Variants in CLIP2 observed in about 807,000 individuals in gnomAD.
The protein encoded by CLIP2 is CAP-Gly domain containing linker protein 2.
CLIP2 carries 41 observed loss-of-function variants against 111.7 expected under a neutral mutation model. That is an observed-to-expected ratio of 0.37 (90% CI 0.29 to 0.48). The LOEUF is 0.48. Among genes scored for constraint, CLIP2 ranks in the 20% least tolerant of loss-of-function variants. The pLI is 0.99. For missense variants in CLIP2, 1,160 were observed against 1,422.1 expected, an observed-to-expected ratio of 0.82 and a Z score of 2.96; for synonymous variants, 660 against 644.2, an observed-to-expected ratio of 1.02 and a Z score of -0.37.
At chr7:74,336,516 C>T (rs927683626) in intron 2 of CLIP2, among the ~76,000 whole-genome samples, 2 of 151,906 alleles carry the variant, frequency 1.3e-5, no homozygotes, top group Non-Finnish European at 2.9e-5. Context: ...GAAGGGGAAA[C>T]CTCTTATAAA....
Position 74,376,807 on chromosome 7 carries a change from C to T in CLIP2, c.2406C>T (p.Ser802=), listed in dbSNP as rs1790806840. 1.9e-6 allele frequency: 3 copies of T among 1,597,006 alleles called. No individual in the cohort carries two copies. The highest frequency in any genetic ancestry group is 3.3e-4 in the Middle Eastern group (2 of 5,992). ...TCCAGGCGGTCGAGGCCCTGTGCTC[C>T]TCCCAGCACACCCACGTAGGCGCCT... ...NRLQAVEALC[S]SQHTHMIESN... is the part of the protein sequence containing the mutation. The change falls in exon 10 of 17, where the codon TCC becomes TCT. Residue 802 remains serine, a synonymous_variant. Coordinates refer to ENST00000223398, the MANE Select transcript of CLIP2 (RefSeq NM_003388.5). This position sits in a 1 kb window ranked among gnomAD's most constrained non-coding sequence, Gnocchi z 7.1.
intron 2 of CLIP2, among the ~76,000 whole-genome samples, chr7:74,331,812 T>C (rs915946221): frequency 3.9e-5 from 6 of 151,918 alleles, no homozygotes; most frequent in Non-Finnish European, 7.4e-5. Context: ...TGAACTCAGG[T>C]AATCCACCCG....
At chr7:74,350,879 A>G (rs1789966160) in intron 3 of CLIP2, among the ~76,000 whole-genome samples, 1 of 147,646 alleles carries the variant, frequency 6.8e-6, no homozygotes, top group South Asian at 2.2e-4. Flanking sequence ...AAAGAAAGAG[A>G]GAGAGAGAAA....
intron 13 of CLIP2, among the ~76,000 whole-genome samples, chr7:74,392,383 A>G (rs1791317099): frequency 6.6e-6 from 1 of 151,450 alleles, no homozygotes; most frequent in Non-Finnish European, 1.5e-5. Context: ...AAGAAAAGAA[A>G]ATAGCTGGGC....
At chr7:74,318,781 C>T (rs552728833) in intron 2 of CLIP2, among the ~76,000 whole-genome samples, 2 of 152,284 alleles carry the variant, frequency 1.3e-5, no homozygotes, top group Non-Finnish European at 2.9e-5. Flanking sequence ...CATCTTTGTG[C>T]ACAAAGCCTG....
rs1401118868 is a variant in CLIP2, at chr7:74,346,730, A to C, written c.679-7150A>C. Among the ~76,000 whole-genome samples the C allele has an allele frequency of 3.6e-4, 35 of 96,668 alleles. No individual in the cohort carries two copies. The East Asian group carries it at 5.2e-3, about 14-fold the overall frequency. 63.4% of individuals were successfully genotyped at this position (96,668 alleles called of 152,430 possible). ...AGAGTAAGATTCTCAAAAAAAAAAA[A>C]AAAAAAAAAAAACAAAACACTGGCC... is the stretch of plus-strand genomic sequence containing the variant. On this transcript the variant is annotated intron_variant, in intron 3 of 16. Coordinates refer to ENST00000223398, the MANE Select transcript of CLIP2 (RefSeq NM_003388.5).
At chr7:74,356,289 A>T (rs534213830) in intron 4 of CLIP2, 121 bp from the exon 5 acceptor site, 1 of 807,214 alleles carries the variant, frequency 1.2e-6, no homozygotes, top group Non-Finnish European at 2.1e-6. Flanking sequence ...GTCTTTCCAC[A>T]TGGGCCCCAA....
chr7:74,355,474 G>A (rs782701391), intron 4 of CLIP2, among the ~76,000 whole-genome samples: 2 of 152,324 alleles, frequency 1.3e-5, no homozygotes, highest in East Asian at 1.9e-4. Flanking sequence ...GCTGGGCGTA[G>A]TAGCACACAC....
chr7:74,399,541 TTG>T (rs1491410572), intron 14 of CLIP2, among the ~76,000 whole-genome samples: 1 of 10,058 alleles, frequency 9.9e-5, no homozygotes, highest in African/African-American at 4.4e-4. Context: ...CAGTCTTTTT[TTG>T]GGGGGGGGGG....
intron 1 of CLIP2, among the ~76,000 whole-genome samples, chr7:74,308,661 C>T (rs1435626082): frequency 2.4e-4 from 36 of 151,954 alleles, no homozygotes; most frequent in Admixed American, 2.4e-3. Flanking sequence ...TGTGCCACCA[C>T]GCCCAGCTAA....
At chr7:74,350,041 C>T (rs1789938398) in intron 3 of CLIP2, among the ~76,000 whole-genome samples, 1 of 151,720 alleles carries the variant, frequency 6.6e-6, no homozygotes, top group South Asian at 2.1e-4. Context: ...GGGTATGGGG[C>T]TTCTCTTTGG....
intron 8 of CLIP2, among the ~76,000 whole-genome samples, chr7:74,372,401 T>TGGGGGGGGGGG (rs797027650): frequency 7.5e-5 from 1 of 13,418 alleles, no homozygotes; most frequent in Non-Finnish European, 1.4e-4. Flanking sequence ...AGCACAGGCC[T>TGGGGGGGGGGG]TGGGGGGGGG....
At chr7:74,401,708 G>A in intron 16 of CLIP2, 141 bp downstream of exon 16, 2 of 826,328 alleles carry the variant, frequency 2.4e-6, no homozygotes, top group Non-Finnish European at 4.0e-6. Flanking sequence ...GGAGGGTGCT[G>A]TTGCAGGCAA....
intron 2 of CLIP2, among the ~76,000 whole-genome samples, chr7:74,336,477 G>A (rs1016581293): frequency 2.6e-5 from 4 of 151,928 alleles, no homozygotes; most frequent in Admixed American, 6.6e-5. Flanking sequence ...CTTACATGGC[G>A]GCAGACAAGA....
chr7:74,399,320 T>C (rs1032682523), intron 14 of CLIP2, among the ~76,000 whole-genome samples: 5 of 151,988 alleles, frequency 3.3e-5, no homozygotes, highest in Non-Finnish European at 7.4e-5. Flanking sequence ...GGAGGATGGC[T>C]TGAGGTCAGG....
intron 9 of CLIP2, 73 bp downstream of exon 9, chr7:74,373,109 T>C (rs1167664970): frequency 3.6e-6 from 3 of 841,414 alleles, no homozygotes; most frequent in Non-Finnish European, 5.7e-6. Context: ...CTTCTCTGTT[T>C]CATTATTGAC....
chr7:74,388,229 G>C lies in CLIP2; in HGVS notation c.2564-874G>C, dbSNP rs541803199. Among the ~76,000 whole-genome samples the C allele has an allele frequency of 6.6e-5, 10 of 152,228 alleles. No individual in the cohort carries two copies. The South Asian group carries it at 2.1e-3, about 32-fold the overall frequency. ...CACCTGTAGTCCCAGCTACTCAGGA[G>C]GTTGAGGCAGGAGAGTCACTTGAAC... is the stretch of plus-strand genomic sequence containing the variant. On this transcript the variant is annotated intron_variant, in intron 12 of 16. Transcript: ENST00000223398.
intron 1 of CLIP2, among the ~76,000 whole-genome samples, chr7:74,316,410 A>G (rs920825252): frequency 6.6e-6 from 1 of 151,732 alleles, no homozygotes; most frequent in Non-Finnish European, 1.5e-5. Flanking sequence ...ACGCCTGGCT[A>G]ATTTTTTATT....
chr7:74,398,579 C>T (rs1432452990), intron 14 of CLIP2, among the ~76,000 whole-genome samples: 1 of 152,222 alleles, frequency 6.6e-6, no homozygotes, highest in Non-Finnish European at 1.5e-5. Flanking sequence ...CAGGGCCCAG[C>T]CCTGGGCAAG....
Sources: allele counts gnomAD v4.1 joint callset (sites outside exome capture counted in the v4.1 genomes callset), GRCh38; gene constraint gnomAD v4.1.1; non-coding constraint Gnocchi (gnomAD v3.1); transcripts MANE v1.5; gene names NCBI Gene and HGNC (gene_info 2026-07-23, HGNC 2026-07-21).